PRDM5: variants seen among roughly 807,000 people sequenced by gnomAD.
PRDM5 encodes PR/SET domain 5.
PRDM5 carries 56 observed loss-of-function variants against 81.2 expected under a neutral mutation model. The observed-to-expected ratio is 0.69, with a 90% confidence interval of 0.56 to 0.86. The LOEUF (loss-of-function observed/expected upper bound fraction) is 0.86. Ranked by LOEUF, PRDM5 falls within the 40% of genes least tolerant of loss-of-function variation. PRDM5 has a pLI of 0.00. For missense variants in PRDM5, 697 were observed against 770.1 expected (o/e 0.91, Z 1.12); for synonymous variants, 267 against 256.4 (o/e 1.04, Z -0.39).
chr4:120,726,537 G>A (rs1739436147), intron 14 of PRDM5, among the ~76,000 whole-genome samples: 1 of 152,198 alleles, frequency 6.6e-6, no homozygotes, highest in South Asian at 2.1e-4. Flanking sequence ...TGCAGTTGCA[G>A]TTGTTTTTCT....
intron 2 of PRDM5, among the ~76,000 whole-genome samples, chr4:120,906,024 T>G (rs1765756504): frequency 1.3e-5 from 2 of 152,156 alleles, no homozygotes; most frequent in Admixed American, 1.3e-4. Context: ...TAGGCTGGAG[T>G]GCAGTGGCAA....
At chr4:120,703,181 T>A (rs1689701007) in intron 15 of PRDM5, among the ~76,000 whole-genome samples, 1 of 152,142 alleles carries the variant, frequency 6.6e-6, no homozygotes. Context: ...TTTTGTTTTT[T>A]GTTTTGTTTT....
At chr4:120,839,191 T>C (rs1014068339) in intron 3 of PRDM5, 2 of 700,274 alleles carry the variant, frequency 2.9e-6, no homozygotes, top group South Asian at 1.5e-5. Flanking sequence ...TCACTCGCAA[T>C]GTGGCAAGCA....
intron 14 of PRDM5, among the ~76,000 whole-genome samples, chr4:120,746,255 T>A (rs986371834): frequency 1.5e-5 from 2 of 137,156 alleles, no homozygotes; most frequent in African/African-American, 2.8e-5. Context: ...ACTGGATCCC[T>A]TCCTTACACC....
intron 1 of PRDM5, 107 bp downstream of exon 1, chr4:120,922,409 C>T: frequency 1.7e-6 from 2 of 1,172,034 alleles, no homozygotes; most frequent in Non-Finnish European, 2.1e-6. Flanking sequence ...GGGCGAGGGG[C>T]GACCGGGGTG....
intron 14 of PRDM5, among the ~76,000 whole-genome samples, chr4:120,732,086 C>T (rs79184172): frequency 0.036 from 5,449 of 152,164 alleles, 125 homozygotes; most frequent in African/African-American, 0.061. Context: ...TAAGGGTAGG[C>T]ATTTGGGTGG....
chr4:120,877,907 T>G (rs1481382844), intron 2 of PRDM5, among the ~76,000 whole-genome samples: 1 of 152,192 alleles, frequency 6.6e-6, no homozygotes, highest in African/African-American at 2.4e-5. Context: ...CTCTTTTTAC[T>G]GGCCACACAA....
chr4:120,890,056 C>T (rs1316967859), intron 2 of PRDM5, among the ~76,000 whole-genome samples: 3 of 152,092 alleles, frequency 2.0e-5, no homozygotes, highest in Non-Finnish European at 4.4e-5. Context: ...TGTATTAGTC[C>T]ATTCTCACAC....
chr4:120,752,302 C>A (rs575373501), intron 14 of PRDM5, among the ~76,000 whole-genome samples: 2 of 151,884 alleles, frequency 1.3e-5, no homozygotes, highest in Non-Finnish European at 2.9e-5. Flanking sequence ...TTTAAAAATG[C>A]ATGAAAAAGG....
intron 15 of PRDM5, among the ~76,000 whole-genome samples, chr4:120,709,282 C>T (rs1277832388): frequency 6.6e-6 from 1 of 152,146 alleles, no homozygotes; most frequent in Admixed American, 6.5e-5. Context: ...GCAGCAATGA[C>T]TTAAACTAAT....
intron 2 of PRDM5, among the ~76,000 whole-genome samples, chr4:120,863,055 G>T (rs1760783174): frequency 6.6e-6 from 1 of 150,674 alleles, no homozygotes; most frequent in Non-Finnish European, 1.5e-5. Flanking sequence ...CTACTTGGGA[G>T]GCTGAGGCAT....
chr4:120,749,165 G>T (rs1743596673), intron 14 of PRDM5, among the ~76,000 whole-genome samples: 1 of 151,760 alleles, frequency 6.6e-6, no homozygotes, highest in Admixed American at 6.6e-5. Context: ...GAAACATTTT[G>T]TGAGCCAAGG....
chr4:120,743,939 A>T (rs1307101359), intron 14 of PRDM5, among the ~76,000 whole-genome samples: 2 of 152,100 alleles, frequency 1.3e-5, no homozygotes, highest in East Asian at 3.9e-4. Flanking sequence ...CCTAACAGAC[A>T]TCTACAGAAC....
intron 15 of PRDM5, among the ~76,000 whole-genome samples, chr4:120,705,025 T>C (rs1298060181): frequency 6.6e-6 from 1 of 152,124 alleles, no homozygotes; most frequent in Admixed American, 6.5e-5. Flanking sequence ...TGGACGTATG[T>C]TTTGTAAGTG....
intron 7 of PRDM5, among the ~76,000 whole-genome samples, chr4:120,814,009 C>T (rs2149330698): frequency 6.6e-6 from 1 of 152,330 alleles, no homozygotes; most frequent in East Asian, 1.9e-4. Flanking sequence ...AGTCTTCTCT[C>T]TCCTTTTCAT....
intron 13 of PRDM5, 72 bp from the exon 14 acceptor site, chr4:120,754,710 A>G: frequency 9.4e-7 from 1 of 1,062,622 alleles, no homozygotes. Flanking sequence ...ATCACTTCTC[A>G]CACACTCAGA....
chr4:120,734,731 T>C (rs915848242), intron 14 of PRDM5, among the ~76,000 whole-genome samples: 2 of 152,166 alleles, frequency 1.3e-5, no homozygotes, highest in Admixed American at 6.5e-5. Context: ...CACTTTTTTT[T>C]CCATTCCACA....
chr4:120,689,967 G>A (rs552834270), downstream of PRDM5, among the ~76,000 whole-genome samples: 1 of 151,976 alleles, frequency 6.6e-6, no homozygotes, highest in African/African-American at 2.4e-5. Flanking sequence ...CCATCAGTTT[G>A]CCAATTTAAA....
chr4:120,855,913 T>C (rs1839484), intron 2 of PRDM5, among the ~76,000 whole-genome samples: 2 of 152,366 alleles, frequency 1.3e-5, no homozygotes, highest in East Asian at 3.9e-4. Flanking sequence ...TTCTTAATCA[T>C]ACATTTGTCA....
Sources: gnomAD v4.1 joint callset for allele counts (sites outside exome capture counted in the v4.1 genomes callset) on GRCh38, gnomAD v4.1.1 for gene constraint, MANE v1.5 for transcripts, NCBI Gene and HGNC (gene_info 2026-07-23, HGNC 2026-07-21) for gene names.